The following MYO16 variants were observed in gnomAD, a reference collection of about 807,000 sequenced individuals.
The protein encoded by MYO16 is unconventional myosin-XVI.
Under a neutral mutation model 205.3 loss-of-function variants are expected in MYO16, and 94 were observed. The observed-to-expected ratio is 0.46, with a 90% CI of 0.39 to 0.54. The LOEUF is 0.54. Ranked by LOEUF, MYO16 falls within the 20% of genes least tolerant of loss-of-function variation. The pLI, the probability that MYO16 is intolerant of heterozygous loss-of-function variation, is 0.00. For synonymous variants in MYO16, 988 were observed against 954.0 expected (o/e 1.04, Z -0.66); for missense variants, 2,315 against 2,387.5 (o/e 0.97, Z 0.63).
At chr13:108,671,103 T>C (rs968143271) in intron 2 of MYO16, among the ~76,000 whole-genome samples, 1 of 152,242 alleles carries the variant, frequency 6.6e-6, no homozygotes, top group Non-Finnish European at 1.5e-5. Flanking sequence ...GATTAACTTT[T>C]AGTTGTGTTT....
Position 109,125,402 on chromosome 13 carries a change from T to C in MYO16, c.3782+44T>C, listed in dbSNP as rs1876202693. On this transcript the variant is annotated intron_variant, in intron 30 of 34. Coordinates refer to ENST00000457511, the MANE Select transcript of MYO16 (RefSeq NM_001198950.3). The surrounding 1 kb of genome is among the most constrained non-coding windows in gnomAD (Gnocchi z 4.0). Reference sequence around the variant, plus strand: ...CAATTTTAATTACCTTTGTGATTGGTTCAGTGGAGTCATGAAAATTCAAAT... The same window carrying C: ...CAATTTTAATTACCTTTGTGATTGGCTCAGTGGAGTCATGAAAATTCAAAT... 3.1e-6 allele frequency: 5 copies of C among 1,602,572 alleles called. No homozygotes were observed. The highest frequency in any genetic ancestry group is 4.3e-6 in the Non-Finnish European group (5 of 1,173,404).
chr13:108,858,693 C>G (rs976992400), intron 11 of MYO16, among the ~76,000 whole-genome samples: 21 of 152,208 alleles, frequency 1.4e-4, no homozygotes, highest in Admixed American at 5.9e-4. Flanking sequence ...TCCCCTCTGT[C>G]TATTCTCAAC....
intron 2 of MYO16, among the ~76,000 whole-genome samples, chr13:108,688,475 C>T (rs1186019534): frequency 6.6e-6 from 1 of 151,896 alleles, no homozygotes; most frequent in Non-Finnish European, 1.5e-5. Context: ...AAAATTTCAC[C>T]CGCTATTATC....
At chr13:108,544,699 T>G in the MYO16 span, among the ~76,000 whole-genome samples, 4 of 152,226 alleles carry the variant, frequency 2.6e-5, no homozygotes, top group Non-Finnish European at 5.9e-5. Context: ...ATTTATTCTT[T>G]AAAATTTTTG....
Position 108,673,988 on chromosome 13 carries a change from A to G in MYO16, c.292+7839A>G, listed in dbSNP as rs955495427. Among the ~76,000 whole-genome samples, 3 of 152,154 alleles carry G rather than the reference A, an allele frequency of 2.0e-5. No homozygotes were observed. In the East Asian group the frequency reaches 5.8e-4, roughly 29 times the overall value. On this transcript the variant is annotated intron_variant, in intron 2 of 34. Coordinates refer to ENST00000457511, the MANE Select transcript of MYO16 (RefSeq NM_001198950.3). ...TGGCTTTACCTCTTCTGAATAATCT[A>G]CAGGACATATCAACTGTCTGCGTGT...
At chr13:108,950,413 A>G (rs1883098730) in intron 16 of MYO16, among the ~76,000 whole-genome samples, 1 of 152,224 alleles carries the variant, frequency 6.6e-6, no homozygotes. Context: ...ATATGAATAT[A>G]CGGATAGCAC....
chr13:109,068,122 A>G (rs1051492751), intron 27 of MYO16, among the ~76,000 whole-genome samples: 5 of 152,092 alleles, frequency 3.3e-5, no homozygotes, highest in African/African-American at 9.7e-5. Context: ...GAGAGTTGCA[A>G]TATACTTTTA....
intron 8 of MYO16, 107 bp downstream of exon 8, chr13:108,820,519 C>A: frequency 1.1e-6 from 1 of 897,252 alleles, no homozygotes; most frequent in Non-Finnish European, 1.8e-6. Flanking sequence ...GCTGGACATG[C>A]CTGTGAAGCT....
At chr13:108,996,669 T>A (rs1407454880) in intron 21 of MYO16, among the ~76,000 whole-genome samples, 1 of 152,202 alleles carries the variant, frequency 6.6e-6, no homozygotes, top group Non-Finnish European at 1.5e-5. Flanking sequence ...TACTTACTGA[T>A]GATTGTTGAA....
chr13:108,740,373 G>C (rs919993429), intron 4 of MYO16, among the ~76,000 whole-genome samples: 7 of 152,192 alleles, frequency 4.6e-5, no homozygotes, highest in African/African-American at 1.7e-4. Flanking sequence ...CTCAGTTGCA[G>C]GTCTGTTGGA....
chr13:109,166,405 A>C (rs1878666433), intron 33 of MYO16, among the ~76,000 whole-genome samples: 1 of 152,256 alleles, frequency 6.6e-6, no homozygotes, highest in East Asian at 1.9e-4. Flanking sequence ...GATAACTCAG[A>C]AAATCCCCAG....
At position 109,127,998 on chromosome 13, in the gene MYO16, C is replaced by T. The variant is rs1876349296; in HGVS notation, c.4051+448C>T. Among the ~76,000 whole-genome samples, 1 of 152,060 alleles carries T rather than the reference C, an allele frequency of 6.6e-6. No individual in the cohort carries two copies. The highest frequency in any genetic ancestry group is 2.4e-5 in the African/African-American group (1 of 41,398). On this transcript the variant is annotated intron_variant, in intron 31 of 34. Coordinates refer to ENST00000457511, the MANE Select transcript of MYO16 (RefSeq NM_001198950.3). The surrounding 1 kb of genome is among the most constrained non-coding windows in gnomAD (Gnocchi z 4.2). ...GTGCAGGAAACTTCTGTTAGGAAAA[C>T]TTTTGAGACTAGATTATAAAAGTTT...
intron 20 of MYO16, among the ~76,000 whole-genome samples, chr13:108,976,618 A>G (rs1174705699): frequency 6.6e-6 from 1 of 152,214 alleles, no homozygotes; most frequent in Non-Finnish European, 1.5e-5. Context: ...CATTTTATGC[A>G]TTACTGTATC....
intron 24 of MYO16, chr13:109,048,614 ACT>A (rs1441144354): frequency 1.2e-5 from 4 of 343,154 alleles, no homozygotes; most frequent in Non-Finnish European, 2.1e-5. Flanking sequence ...TTGCTCACTC[ACT>A]CTATCATAAA....
chr13:108,655,218 C>T (rs1881189293), intron 1 of MYO16, among the ~76,000 whole-genome samples: 1 of 152,170 alleles, frequency 6.6e-6, no homozygotes, highest in South Asian at 2.1e-4. Flanking sequence ...ATGGGCCAGG[C>T]CCAGGGTCCC....
intron 29 of MYO16, among the ~76,000 whole-genome samples, chr13:109,124,173 A>G (rs1313326123): frequency 6.6e-6 from 1 of 152,224 alleles, no homozygotes; most frequent in Non-Finnish European, 1.5e-5. Context: ...GCTAATTGTT[A>G]GAAAGTTCTT....
intron 23 of MYO16, among the ~76,000 whole-genome samples, chr13:109,046,213 C>T (rs900780845): frequency 6.6e-6 from 1 of 152,080 alleles, no homozygotes. Flanking sequence ...GGTCTGTGCC[C>T]CAAGGTATAT....
chr13:109,117,418 ATGTATATG>A (rs1875756849), intron 28 of MYO16, among the ~76,000 whole-genome samples: 1 of 138,552 alleles, frequency 7.2e-6, no homozygotes, highest in African/African-American at 2.5e-5. Flanking sequence ...ATGTGTATAT[ATGTATATG>A]TGTATATATA....
chr13:108,957,240 C>T (rs1026565259), intron 16 of MYO16, among the ~76,000 whole-genome samples: 10 of 151,748 alleles, frequency 6.6e-5, no homozygotes, highest in South Asian at 4.2e-4. Context: ...AAAAATTAGC[C>T]GGGCGTGGTG....
Sources: allele counts gnomAD v4.1 joint callset (sites outside exome capture counted in the v4.1 genomes callset), GRCh38; gene constraint gnomAD v4.1.1; non-coding constraint Gnocchi (gnomAD v3.1); transcripts MANE v1.5; gene names NCBI Gene and HGNC (gene_info 2026-07-23, HGNC 2026-07-21).